The following INVS variants were observed in gnomAD, a reference collection of about 807,000 sequenced individuals.
The protein encoded by INVS is inversin.
A neutral mutation model predicts 108.8 loss-of-function variants in INVS; 86 were observed. That is an observed-to-expected ratio of 0.79 (90% confidence interval 0.66 to 0.95). INVS has a LOEUF of 0.95. Ranked by LOEUF, INVS falls within the 40% of genes least tolerant of loss-of-function variation. The pLI is 0.00. For synonymous variants in INVS, 455 were observed against 473.5 expected (o/e 0.96, Z 0.51); for missense variants, 1,169 against 1,297.4 (o/e 0.90, Z 1.52).
Position 100,300,583 on chromosome 9 carries a change from G to C in INVS, c.3107G>C (p.Cys1036Ser). The stretch of plus-strand genomic sequence containing the variant: ...TTTTTAACAGTGAGCAACCTACAGT[G>C]TATACATCTCCTTGAGAACAGTGGA... Reference protein sequence around the residue: ...LRLNSVSNLQCIHLLENSGRS... With the variant: ...LRLNSVSNLQSIHLLENSGRS... The change falls in exon 17 of 17, where the codon TGT (cysteine) becomes TCT (serine). Residue 1036 changes from cysteine (C) to serine (S), a missense_variant. Coordinates refer to ENST00000262457, the MANE Select transcript of INVS (RefSeq NM_014425.5). 1 of 1,610,772 alleles carries C rather than the reference G, an allele frequency of 6.2e-7. No homozygotes were observed. The highest frequency in any genetic ancestry group is 2.2e-5 in the East Asian group (1 of 44,858).
At chr9:100,266,411 A>G (rs1832794946) in intron 11 of INVS, among the ~76,000 whole-genome samples, 1 of 152,168 alleles carries the variant, frequency 6.6e-6, no homozygotes, top group South Asian at 2.1e-4. Context: ...TTTTGATGAT[A>G]TGCTAACCAA....
At chr9:100,298,179 C>A (rs1833847335) in intron 16 of INVS, 169 bp downstream of exon 16, 1 of 1,515,680 alleles carries the variant, frequency 6.6e-7, no homozygotes, top group African/African-American at 1.4e-5. Flanking sequence ...CCCTAAGAGG[C>A]AAATTATTTT....
At chr9:100,171,854 A>G (rs1045979164) in intron 3 of INVS, among the ~76,000 whole-genome samples, 3 of 152,168 alleles carry the variant, frequency 2.0e-5, no homozygotes, top group Non-Finnish European at 1.5e-5. Context: ...TTGGACTGAT[A>G]TAAATCAGAA....
intron 3 of INVS, among the ~76,000 whole-genome samples, chr9:100,224,340 T>C (rs1408073878): frequency 6.6e-6 from 1 of 152,152 alleles, no homozygotes; most frequent in Non-Finnish European, 1.5e-5. Flanking sequence ...TGCCTGCCAT[T>C]ATCCTCTGAA....
intron 12 of INVS, among the ~76,000 whole-genome samples, chr9:100,280,340 G>A (rs1833237579): frequency 6.6e-6 from 1 of 152,192 alleles, no homozygotes; most frequent in South Asian, 2.1e-4. Flanking sequence ...AATAGATGTT[G>A]TCAAAGATTT....
chr9:100,141,198 T>C (rs1041671120), intron 3 of INVS, among the ~76,000 whole-genome samples: 11 of 152,142 alleles, frequency 7.2e-5, no homozygotes, highest in African/African-American at 2.4e-4. Context: ...CTTGGAATGA[T>C]ACTGGGGCCT....
chr9:100,100,936 T>A (rs1345088752), intron 1 of INVS, among the ~76,000 whole-genome samples: 1 of 35,246 alleles, frequency 2.8e-5, no homozygotes, highest in Non-Finnish European at 4.4e-5. Context: ...ATAATATATA[T>A]AATATATATA....
chr9:100,269,425 T>C (rs1832884855), intron 11 of INVS, among the ~76,000 whole-genome samples: 1 of 152,144 alleles, frequency 6.6e-6, no homozygotes, highest in Non-Finnish European at 1.5e-5. Flanking sequence ...AAATAATGTT[T>C]TAAAGTTTAT....
chr9:100,292,824 G>A lies in INVS; in HGVS notation c.2567G>A (p.Arg856Lys). The A allele has an allele frequency of 1.9e-6, 3 of 1,614,112 alleles. No individual in the cohort carries two copies. Among genetic ancestry groups the A allele is most frequent in the Non-Finnish European group, 2.5e-6 (3 of 1,180,032 alleles). ...SHLPQSTEELRSGARRLETST... is the reference protein window; with the variant it reads ...SHLPQSTEELKSGARRLETST... ...TTGCCACAGAGCACAGAGGAGTTGA[G>A]GTCAGGAGCTAGGAGGCTGGAGACA... is the stretch of plus-strand genomic sequence containing the variant. The change falls in exon 14 of 17, where the codon AGG (arginine) becomes AAG (lysine). Residue 856 changes from arginine to lysine, a missense_variant. Coordinates refer to ENST00000262457, the MANE Select transcript of INVS (RefSeq NM_014425.5).
intron 2 of INVS, among the ~76,000 whole-genome samples, chr9:100,123,058 T>C (rs568827584): frequency 6.6e-6 from 1 of 152,336 alleles, no homozygotes; most frequent in East Asian, 1.9e-4. Flanking sequence ...TTTTTAGTAT[T>C]CCATTTTAAT....
intron 3 of INVS, among the ~76,000 whole-genome samples, chr9:100,185,955 G>A (rs1210929446): frequency 6.6e-6 from 1 of 152,054 alleles, no homozygotes; most frequent in East Asian, 1.9e-4. Context: ...CAGTTGATGG[G>A]CACTTAGGTT....
At chr9:100,113,558 T>TTTGTTTG (rs1827414193) in intron 2 of INVS, among the ~76,000 whole-genome samples, 1 of 151,912 alleles carries the variant, frequency 6.6e-6, no homozygotes, top group Non-Finnish European at 1.5e-5. Flanking sequence ...CTGGTGTCTT[T>TTTGTTTG]TTTGTTTGTT....
chr9:100,164,006 G>A (rs1043406020), intron 3 of INVS, among the ~76,000 whole-genome samples: 3 of 152,228 alleles, frequency 2.0e-5, no homozygotes, highest in African/African-American at 7.2e-5. Context: ...GTCAAAGGAT[G>A]AAAGCAGAAG....
intron 3 of INVS, among the ~76,000 whole-genome samples, chr9:100,146,098 G>A (rs749690079): frequency 1.1e-4 from 17 of 152,286 alleles, no homozygotes; most frequent in Middle Eastern, 3.4e-3. Flanking sequence ...CCCCCGATCC[G>A]AGTCACAGCA....
At chr9:100,186,481 A>C (rs1830059659) in intron 3 of INVS, among the ~76,000 whole-genome samples, 1 of 152,142 alleles carries the variant, frequency 6.6e-6, no homozygotes, top group African/African-American at 2.4e-5. Flanking sequence ...CATTCCTGCC[A>C]GCAGCATATA....
chr9:100,222,814 G>C (rs1831193349), intron 3 of INVS, among the ~76,000 whole-genome samples: 2 of 150,268 alleles, frequency 1.3e-5, no homozygotes, highest in South Asian at 4.2e-4. Context: ...TTTTTCCTGG[G>C]CAAACTTTTT....
At chr9:100,108,881 T>C (rs1827256082) in intron 2 of INVS, among the ~76,000 whole-genome samples, 3 of 152,260 alleles carry the variant, frequency 2.0e-5, no homozygotes, top group Admixed American at 2.0e-4. Context: ...TTCTTAGTGT[T>C]TAACCTAATA....
intron 3 of INVS, chr9:100,129,661 A>G: frequency 1.4e-6 from 1 of 705,974 alleles, no homozygotes; most frequent in Non-Finnish European, 2.6e-6. Context: ...AAAATACTAT[A>G]TACATTGTTT....
At chr9:100,100,975 AT>A (rs1826953176) in intron 1 of INVS, among the ~76,000 whole-genome samples, 1 of 75,172 alleles carries the variant, frequency 1.3e-5, no homozygotes, top group East Asian at 3.0e-4. Flanking sequence ...AATATATATT[AT>A]ATATATAATA....
Sources: gnomAD v4.1 joint callset for allele counts (sites outside exome capture counted in the v4.1 genomes callset) on GRCh38, gnomAD v4.1.1 for gene constraint, MANE v1.5 for transcripts, NCBI Gene and HGNC (gene_info 2026-07-23, HGNC 2026-07-21) for gene names.